The following PPP6R2 variants were observed in gnomAD, a reference collection of about 807,000 sequenced individuals.
PPP6R2 encodes protein phosphatase 6 regulatory subunit 2.
A neutral mutation model predicts 100.2 loss-of-function variants in PPP6R2; 62 were observed. The observed-to-expected ratio is 0.62, with a 90% confidence interval of 0.50 to 0.76. The LOEUF is 0.76. Ranked by LOEUF, PPP6R2 falls within the 30% of genes least tolerant of loss-of-function variation. The pLI is 0.00. For synonymous variants in PPP6R2, 525 were observed against 514.7 expected (o/e 1.02, Z -0.27); for missense variants, 1,142 against 1,276.3 (o/e 0.89, Z 1.60).
At chr22:50,387,022 A>C (rs778748275) in intron 2 of PPP6R2, among the ~76,000 whole-genome samples, 1 of 152,172 alleles carries the variant, frequency 6.6e-6, no homozygotes, top group Non-Finnish European at 1.5e-5. Context: ...TTTTGGGAAG[A>C]AGCAGCCTTT....
At chr22:50,432,393 A>G in intron 12 of PPP6R2, 64 bp downstream of exon 12, 1 of 1,429,546 alleles carries the variant, frequency 7.0e-7, no homozygotes, top group Non-Finnish European at 9.6e-7. Flanking sequence ...GACGCACCTC[A>G]CCCAAGCCCT....
intron 1 of PPP6R2, among the ~76,000 whole-genome samples, chr22:50,364,389 A>AG (rs2048346616): frequency 6.6e-6 from 1 of 152,202 alleles, no homozygotes; most frequent in Non-Finnish European, 1.5e-5. Flanking sequence ...TCTCTCAAGA[A>AG]GGGGATTGCT....
chr22:50,342,880 C>T (rs535678956), upstream of PPP6R2, among the ~76,000 whole-genome samples: 69 of 152,202 alleles, frequency 4.5e-4, no homozygotes, highest in African/African-American at 1.5e-3. Context: ...GGGCTGAGCC[C>T]GCTCCTGCTG....
At chr22:50,338,792 GTGTA>G (rs1218963342), upstream of PPP6R2, among the ~76,000 whole-genome samples, 1 of 133,774 alleles carries the variant, frequency 7.5e-6, no homozygotes, top group African/African-American at 2.9e-5. Flanking sequence ...TGTGTGTGGT[GTGTA>G]TGTACGGTGT....
At chr22:50,365,604 G>A (rs192398050) in intron 1 of PPP6R2, among the ~76,000 whole-genome samples, 1,925 of 151,382 alleles carry the variant, frequency 0.013, 44 homozygotes, top group African/African-American at 0.044. Context: ...GCATGAACCC[G>A]GGAGGCGGAG....
chr22:50,425,433 T>G (rs2061959802), intron 10 of PPP6R2, among the ~76,000 whole-genome samples: 1 of 152,238 alleles, frequency 6.6e-6, no homozygotes, highest in Non-Finnish European at 1.5e-5. Flanking sequence ...CCTTGGCTAT[T>G]GTGAATAACA....
At chr22:50,392,155 C>G (rs1430897674) in intron 2 of PPP6R2, 1 of 151,992 alleles carries the variant, frequency 6.6e-6, no homozygotes, top group African/African-American at 2.4e-5. Context: ...TCATAAATAT[C>G]TATCCACACC....
chr22:50,355,074 C>T (rs984051562), intron 1 of PPP6R2, among the ~76,000 whole-genome samples: 2 of 151,742 alleles, frequency 1.3e-5, no homozygotes, highest in African/African-American at 4.8e-5. Context: ...AACTCCTGGA[C>T]TTAAGCGATC....
chr22:50,439,631 C>G, intron 19 of PPP6R2, 70 bp from the exon 20 acceptor site: 1 of 1,435,618 alleles, frequency 7.0e-7, no homozygotes, highest in Admixed American at 2.6e-5. Flanking sequence ...GGGGCAGGGG[C>G]GCTGCCTCCC....
intron 1 of PPP6R2, among the ~76,000 whole-genome samples, chr22:50,354,372 CAG>C (rs773799945): frequency 3.0e-4 from 46 of 152,256 alleles, no homozygotes; most frequent in African/African-American, 7.0e-4. Flanking sequence ...CAAATTTTCT[CAG>C]AGTTACCAGT....
Position 50,444,289 on chromosome 22 carries a change from C to G in PPP6R2, c.*42C>G. ...CCACGGCCCACCCTGGTCAGGCTGCCTCCTTAATCGAGAAAACTACCTGGT... is the reference window on the plus strand; with the variant it reads ...CCACGGCCCACCCTGGTCAGGCTGCGTCCTTAATCGAGAAAACTACCTGGT... On this transcript the variant is annotated 3_prime_UTR_variant, in exon 24 of 24. Coordinates refer to ENST00000612753, the MANE Select transcript of PPP6R2 (RefSeq NM_001242898.2). 1 of 1,595,894 alleles carries G rather than the reference C, an allele frequency of 6.3e-7. No homozygotes were observed. Among genetic ancestry groups the G allele is most frequent in the East Asian group, 2.2e-5 (1 of 44,662 alleles).
Position 50,444,115 on chromosome 22 carries a change from C to A in PPP6R2, c.2829C>A (p.Asp943Glu), listed in dbSNP as rs201661469. The A allele has an allele frequency of 3.1e-6, 5 of 1,611,880 alleles. No individual in the cohort carries two copies. The highest frequency in any genetic ancestry group is 2.2e-5 in the East Asian group (1 of 44,808). The change falls in exon 23 of 24, where the codon GAC becomes GAA. Residue 943 changes from aspartate (D) to glutamate (E), a missense_variant and splice_region_variant. Asp to Glu is a conservative substitution (Grantham distance 45, BLOSUM62 2). Coordinates refer to ENST00000612753, the MANE Select transcript of PPP6R2 (RefSeq NM_001242898.2). ...CCACCCTGGGGACAGTGACAAAGGA[C>A]GGGTGAGCAGGTTGAGTGTGGGGGT... ...MVATLGTVTK[D>E]GKTDAPPEGA...
At chr22:50,391,865 A>T (rs2055640961) in intron 2 of PPP6R2, 1 of 150,520 alleles carries the variant, frequency 6.6e-6, no homozygotes, top group South Asian at 2.1e-4. Flanking sequence ...TAATCCACCC[A>T]GGCTTCCACC....
intron 21 of PPP6R2, among the ~76,000 whole-genome samples, 194 bp from the exon 22 acceptor site, chr22:50,440,628 G>A (rs1249938324): frequency 1.3e-5 from 2 of 152,238 alleles, no homozygotes; most frequent in Non-Finnish European, 2.9e-5. Flanking sequence ...GAGGCAACAG[G>A]GTTGTTTGTG....
intron 2 of PPP6R2, among the ~76,000 whole-genome samples, chr22:50,375,851 T>C (rs1036622615): frequency 7.2e-6 from 1 of 139,506 alleles, no homozygotes; most frequent in Non-Finnish European, 1.5e-5. Context: ...TTTTTTTTTT[T>C]TTTTTTTGAG....
chr22:50,414,760 A>G (rs1603303871), intron 5 of PPP6R2, 71 bp downstream of exon 5: 2 of 1,539,454 alleles, frequency 1.3e-6, no homozygotes, highest in East Asian at 4.6e-5. Flanking sequence ...TAAGTGCAGG[A>G]GCTCAGAGCA....
chr22:50,336,398 TG>T, the PPP6R2 span, among the ~76,000 whole-genome samples: 1 of 151,992 alleles, frequency 6.6e-6, no homozygotes, highest in African/African-American at 2.4e-5. Flanking sequence ...TATTTTGAGA[TG>T]GAGTTTCGCT....
chr22:50,414,511 A>G, intron 4 of PPP6R2, 41 bp from the exon 5 acceptor site: 1 of 1,604,280 alleles, frequency 6.2e-7, no homozygotes. Flanking sequence ...CAGGGTTGTC[A>G]GGGTCGGCCC....
chr22:50,442,910 A>G (rs1476969375), intron 22 of PPP6R2, among the ~76,000 whole-genome samples: 2 of 148,722 alleles, frequency 1.3e-5, no homozygotes, highest in Non-Finnish European at 3.0e-5. Context: ...CACGCCTGTA[A>G]TCCCAGCACT....
Sources: allele counts gnomAD v4.1 joint callset (sites outside exome capture counted in the v4.1 genomes callset), GRCh38; gene constraint gnomAD v4.1.1; transcripts MANE v1.5; gene names NCBI Gene and HGNC (gene_info 2026-07-23, HGNC 2026-07-21).